ANK2: variants seen among roughly 807,000 people sequenced by gnomAD.
The protein encoded by ANK2 is ankyrin-2.
ANK2 carries 83 observed loss-of-function variants against 360.5 expected under a neutral mutation model. The observed-to-expected ratio is 0.23, with a 90% CI of 0.19 to 0.28. The LOEUF (loss-of-function observed/expected upper bound fraction) is 0.28, where lower values mean the gene tolerates loss of function less well. Ranked by LOEUF, ANK2 falls within the 10% of genes least tolerant of loss-of-function variation. The pLI is 1.00. For missense variants in ANK2, 4,201 were observed against 4,795.7 expected (o/e 0.88, Z 3.66); for synonymous variants, 1,740 against 1,759.5 (o/e 0.99, Z 0.28).
intron 1 of ANK2, among the ~76,000 whole-genome samples, chr4:113,156,368 A>ATTTTTTTTTTT: frequency 1.3e-5 from 1 of 79,150 alleles, no homozygotes; most frequent in African/African-American, 5.1e-5. Context: ...ATGTAGAAAA[A>ATTTTTTTTTTT]TTCTTTTTTT....
At chr4:113,280,655 C>T (rs29380) in intron 17 of ANK2, among the ~76,000 whole-genome samples, 4,351 of 152,322 alleles carry the variant, frequency 0.029, 102 homozygotes, top group East Asian at 0.069. Context: ...CCAGAACCTT[C>T]TCTTAGTCTT....
At chr4:113,257,847 T>A (rs1293811489) in intron 11 of ANK2, among the ~76,000 whole-genome samples, 1 of 152,226 alleles carries the variant, frequency 6.6e-6, no homozygotes. Context: ...CAGAATTACG[T>A]ACAGGCCCAC....
chr4:112,785,057 A>G, the ANK2 span, among the ~76,000 whole-genome samples: 1 of 152,212 alleles, frequency 6.6e-6, no homozygotes, highest in Admixed American at 6.5e-5. Flanking sequence ...ATTATAATAT[A>G]TTATAGCAAG....
chr4:113,021,255 T>C (rs533302053), intron 2 of ANK2, among the ~76,000 whole-genome samples: 1 of 152,094 alleles, frequency 6.6e-6, no homozygotes, highest in Non-Finnish European at 1.5e-5. Flanking sequence ...CCTGTACTCT[T>C]GGAACATAAC....
At chr4:113,195,673 G>A (rs964256716) in intron 2 of ANK2, among the ~76,000 whole-genome samples, 2 of 152,172 alleles carry the variant, frequency 1.3e-5, no homozygotes, top group East Asian at 1.9e-4. Flanking sequence ...CCATTGCTCT[G>A]TTTAAGCCTT....
the ANK2 span, among the ~76,000 whole-genome samples, chr4:112,779,380 G>A: frequency 2.0e-5 from 3 of 152,162 alleles, no homozygotes; most frequent in South Asian, 2.1e-4. Flanking sequence ...TTAGCCGGGC[G>A]TGGTGATGGG....
At chr4:113,145,905 G>C (rs55847200) in intron 1 of ANK2, 1 of 1,289,694 alleles carries the variant, frequency 7.8e-7, no homozygotes, top group African/African-American at 1.5e-5. Flanking sequence ...TTGCCATGCG[G>C]ATAAGAGCAT....
chr4:113,160,084 T>A (rs970152305), intron 1 of ANK2, among the ~76,000 whole-genome samples: 1 of 152,214 alleles, frequency 6.6e-6, no homozygotes, highest in Non-Finnish European at 1.5e-5. Context: ...GCCTGTCTAG[T>A]CAAGTGTATT....
chr4:113,127,743 A>G (rs536567078), intron 1 of ANK2, among the ~76,000 whole-genome samples: 2 of 152,114 alleles, frequency 1.3e-5, no homozygotes, highest in Non-Finnish European at 2.9e-5. Flanking sequence ...GAAGCAAAAA[A>G]TAAGCAGGTA....
At chr4:112,712,628 C>G in the ANK2 span, among the ~76,000 whole-genome samples, 2 of 150,300 alleles carry the variant, frequency 1.3e-5, no homozygotes, top group African/African-American at 4.9e-5. Context: ...AGGATGGTCT[C>G]GATCTTCTGA....
chr4:113,080,679 G>A (rs897909921), intron 1 of ANK2, among the ~76,000 whole-genome samples: 2 of 152,086 alleles, frequency 1.3e-5, no homozygotes, highest in African/African-American at 4.8e-5. Flanking sequence ...ATTCATTCCT[G>A]GCATGGCCTC....
In ANK2 at chr4:113,354,177, A is replaced by G. The variant is rs780074483; in HGVS notation, c.5559A>G (p.Lys1853=). The stretch of plus-strand genomic sequence containing the variant: ...TATCACCATCAAGTAAAACTGAGAA[A>G]CACTCACCTGTGTCACCCTCTGCAA... The part of the protein sequence containing the change: ...PPVSPSSKTE[K]HSPVSPSAKT... The change falls in exon 38 of 46, where the codon AAA becomes AAG. Residue 1853 remains lysine, a synonymous_variant. Transcript: ENST00000357077. 6.2e-7 allele frequency: 1 copy of G among 1,614,026 alleles called. No homozygotes were observed. Among genetic ancestry groups the G allele is most frequent in the Admixed American group, 1.7e-5 (1 of 60,010 alleles).
chr4:112,842,547 T>A (rs529304121), intron 1 of ANK2, among the ~76,000 whole-genome samples: 1 of 152,296 alleles, frequency 6.6e-6, no homozygotes, highest in African/African-American at 2.4e-5. Flanking sequence ...CCACCACAGA[T>A]CATCAGGCAT....
rs1296825918 is a variant in ANK2, at chr4:112,864,394, C to T, written c.-39-40061C>T. 3.9e-5 allele frequency among the ~76,000 whole-genome samples: 6 copies of T among 152,234 alleles called. No homozygotes were observed. In the East Asian group the frequency reaches 1.2e-3, roughly 30 times the overall value. On this transcript the variant is annotated intron_variant, in intron 1 of 30. Transcript: ENST00000503271. ...GCATGATCTCAGCTCTATGCAATCTCCGCCTCCCAAGTTCAAGCGATTCTT... is the reference window on the plus strand; with the variant it reads ...GCATGATCTCAGCTCTATGCAATCTTCGCCTCCCAAGTTCAAGCGATTCTT...
Position 113,287,660 on chromosome 4 carries a change from A to G in ANK2, c.2135A>G (p.Asp712Gly), listed in dbSNP as rs750601418. Residue 712 changes from aspartate to glycine, a missense_variant, in exon 19 of 46, where the codon GAT (aspartate) becomes GGT (glycine). By Grantham distance (94) the Asp-to-Gly change is moderately conservative. Around this residue, in one of 4 missense-constraint regions of ANK2, gnomAD observed 1,268 missense variants for 1,650.8 expected, o/e 0.77. Transcript: ENST00000357077. ...AAQEDKVNVADILTKHGADQD... is the reference protein window; with the variant it reads ...AAQEDKVNVAGILTKHGADQD... ...CAGGAAGATAAAGTGAATGTTGCTG[A>G]TATTCTCACCAAGCATGGAGCTGAT... The G allele has an allele frequency of 6.2e-7, 1 of 1,613,580 alleles. No homozygotes were observed. Among genetic ancestry groups the G allele is most frequent in the Admixed American group, 1.7e-5 (1 of 60,020 alleles).
chr4:113,125,757 C>T (rs1351992338), intron 1 of ANK2, among the ~76,000 whole-genome samples: 1 of 152,010 alleles, frequency 6.6e-6, no homozygotes, highest in Non-Finnish European at 1.5e-5. Flanking sequence ...TTTTTTTGAG[C>T]TGACACTATG....
chr4:112,901,599 C>T (rs1027677888), intron 1 of ANK2, among the ~76,000 whole-genome samples: 1 of 152,116 alleles, frequency 6.6e-6, no homozygotes, highest in Admixed American at 6.6e-5. Context: ...CATGGTGGCT[C>T]TGCCTGTAAT....
At chr4:113,309,906 C>G (rs2079050328) in intron 23 of ANK2, among the ~76,000 whole-genome samples, 1 of 152,152 alleles carries the variant, frequency 6.6e-6, no homozygotes, top group Non-Finnish European at 1.5e-5. Flanking sequence ...AAATGTCTTT[C>G]TATTTTCTAA....
the ANK2 span, among the ~76,000 whole-genome samples, chr4:112,762,661 C>T: frequency 6.6e-6 from 1 of 152,196 alleles, no homozygotes; most frequent in East Asian, 1.9e-4. Context: ...AGGCCTGCGC[C>T]ACCATGCCCG....
Sources: gnomAD v4.1 joint callset for allele counts (sites outside exome capture counted in the v4.1 genomes callset) on GRCh38, gnomAD v4.1.1 for gene constraint, gnomAD v4.1.1 regional missense constraint, MANE v1.5 for transcripts, NCBI Gene and HGNC (gene_info 2026-07-23, HGNC 2026-07-21) for gene names.